The following ZNF423 variants were observed in gnomAD, a reference collection of about 807,000 sequenced individuals.
ZNF423 encodes the protein Ebf-associated zinc finger protein.
ZNF423 carries 12 observed loss-of-function variants against 95.8 expected under a neutral mutation model. The observed-to-expected ratio is 0.13, with a 90% CI of 0.08 to 0.20. The LOEUF (loss-of-function observed/expected upper bound fraction) is 0.20, where lower values mean the gene tolerates loss of function less well. Among genes scored for constraint, ZNF423 ranks in the 10% least tolerant of loss-of-function variants. The pLI is 1.00. For synonymous variants in ZNF423, 749 were observed against 711.9 expected (o/e 1.05, Z -0.83); for missense variants, 1,316 against 1,737.1 (o/e 0.76, Z 4.31).
intron 3 of ZNF423, among the ~76,000 whole-genome samples, chr16:49,652,076 G>A (rs764416987): frequency 1.3e-4 from 20 of 152,082 alleles, no homozygotes; most frequent in Non-Finnish European, 2.8e-4. Flanking sequence ...CTAAGGTACT[G>A]GGAGCCATCC....
At chr16:49,778,642 A>G (rs1008625602) in intron 2 of ZNF423, among the ~76,000 whole-genome samples, 11 of 152,172 alleles carry the variant, frequency 7.2e-5, no homozygotes, top group African/African-American at 2.7e-4. Flanking sequence ...ATCTGCAGGA[A>G]GGTGAAGCGG....
chr16:49,515,171 G>C (rs1206270940), intron 7 of ZNF423, among the ~76,000 whole-genome samples: 1 of 152,256 alleles, frequency 6.6e-6, no homozygotes, highest in African/African-American at 2.4e-5. Context: ...AGGGTTTGCA[G>C]GGTCCTGGCC....
At chr16:49,505,729 G>A (rs990999556) in intron 7 of ZNF423, among the ~76,000 whole-genome samples, 1 of 152,246 alleles carries the variant, frequency 6.6e-6, no homozygotes, top group Admixed American at 6.5e-5. Flanking sequence ...CTGGCACCCA[G>A]CAAAGGGTGA....
At chr16:49,737,877 C>T (rs2033325608) in intron 2 of ZNF423, among the ~76,000 whole-genome samples, 1 of 152,342 alleles carries the variant, frequency 6.6e-6, no homozygotes, top group African/African-American at 2.4e-5. Context: ...CTCTTCCTTG[C>T]TCTCGTGTCC....
intron 5 of ZNF423, among the ~76,000 whole-genome samples, chr16:49,580,797 G>C (rs1358452829): frequency 1.3e-5 from 2 of 152,096 alleles, no homozygotes; most frequent in Non-Finnish European, 2.9e-5. Context: ...ATAAAATCTT[G>C]CTTCCAACGA....
At chr16:49,798,706 C>T (rs1435412648) in intron 1 of ZNF423, among the ~76,000 whole-genome samples, 1 of 152,122 alleles carries the variant, frequency 6.6e-6, no homozygotes, top group African/African-American at 2.4e-5. Context: ...TCCACGTCGG[C>T]GCTTGTATAA....
intron 5 of ZNF423, among the ~76,000 whole-genome samples, chr16:49,616,292 T>C (rs1971872788): frequency 6.6e-6 from 1 of 152,002 alleles, no homozygotes; most frequent in African/African-American, 2.4e-5. Flanking sequence ...CTCATGGAGA[T>C]AGAGTGCAGA....
At chr16:49,800,712 C>T (rs919323951) in intron 1 of ZNF423, among the ~76,000 whole-genome samples, 2 of 152,200 alleles carry the variant, frequency 1.3e-5, no homozygotes, top group Non-Finnish European at 2.9e-5. Flanking sequence ...GCTCCCCTTC[C>T]ATCCTCCCAG....
rs372698341 is a variant in ZNF423 at position 49,665,555 on chromosome 16, G to A, written c.302-26681C>T. 4.0e-4 allele frequency among the ~76,000 whole-genome samples: 61 copies of A among 152,258 alleles called. No individual in the cohort carries two copies. In the East Asian group the frequency reaches 9.9e-3, roughly 25 times the overall value. On this transcript the variant is annotated intron_variant, in intron 3 of 7. Coordinates refer to ENST00000563137, the MANE Select transcript of ZNF423 (RefSeq NM_001379286.1). ...CAAGGGGCAGAAATGAGCTCCAAGC[G>A]GCAGGACCAGCAAGAGCAAAGGCCT...
At chr16:49,691,787 G>T (rs751570133) in intron 3 of ZNF423, among the ~76,000 whole-genome samples, 1 of 152,090 alleles carries the variant, frequency 6.6e-6, no homozygotes, top group Non-Finnish European at 1.5e-5. Flanking sequence ...GATGTTGAGG[G>T]TATAGAAGAT....
At chr16:49,821,366 T>C (rs2034938299) in intron 1 of ZNF423, among the ~76,000 whole-genome samples, 1 of 152,082 alleles carries the variant, frequency 6.6e-6, no homozygotes, top group African/African-American at 2.4e-5. Flanking sequence ...GCAATGCAAT[T>C]ATTTAAATCC....
rs550362654 is a variant in ZNF423 at position 49,632,632 on chromosome 16, G to A, written c.3516+3028C>T. 1.3e-4 allele frequency among the ~76,000 whole-genome samples: 20 copies of A among 152,262 alleles called. No homozygotes were observed. In the South Asian group the frequency reaches 3.7e-3, roughly 28 times the overall value. ...TTCAGTCCCTGCACAGCCGCGCACA[G>A]CTGTGCATCCTTGGGTATATGGCAT... On this transcript the variant is annotated intron_variant, in intron 4 of 7. Coordinates refer to ENST00000563137, the MANE Select transcript of ZNF423 (RefSeq NM_001379286.1).
chr16:49,779,575 C>T (rs930505604), intron 2 of ZNF423, among the ~76,000 whole-genome samples: 8 of 152,136 alleles, frequency 5.3e-5, no homozygotes, highest in Non-Finnish European at 1.2e-4. Context: ...GGCTGGGCAA[C>T]ACTGGAGGGA....
At chr16:49,794,893 TG>T (rs1407172993) in intron 1 of ZNF423, among the ~76,000 whole-genome samples, 9 of 152,210 alleles carry the variant, frequency 5.9e-5, no homozygotes, top group Non-Finnish European at 1.2e-4. Flanking sequence ...ATTTTATTTT[TG>T]GAAACAGAGT....
At position 49,523,605 on chromosome 16, in the gene ZNF423, A is replaced by G. The variant is rs2151705717; in HGVS notation, c.3849+19T>C. ...CGAGGACCATCAGGCGGCGTGGTGC[A>G]GCGGATGTGGGCACCCACCTGCAGC... is the stretch of plus-strand genomic sequence containing the variant. On this transcript the variant is annotated intron_variant, in intron 7 of 7. Coordinates refer to ENST00000563137, the MANE Select transcript of ZNF423 (RefSeq NM_001379286.1). 1.9e-6 allele frequency: 3 copies of G among 1,604,572 alleles called. No individual in the cohort carries two copies. Among genetic ancestry groups the G allele is most frequent in the Non-Finnish European group, 2.6e-6 (3 of 1,171,408 alleles).
chr16:49,766,564 G>A (rs1003197606), intron 2 of ZNF423, among the ~76,000 whole-genome samples: 17 of 152,230 alleles, frequency 1.1e-4, no homozygotes, highest in Admixed American at 8.5e-4. Flanking sequence ...CCAGTCCTTT[G>A]GCTTCTTATA....
At chr16:49,688,004 G>GAGGGACCC (rs1185798956) in intron 3 of ZNF423, among the ~76,000 whole-genome samples, 2 of 151,138 alleles carry the variant, frequency 1.3e-5, no homozygotes, top group Non-Finnish European at 2.9e-5. Context: ...GGGCCTCCAG[G>GAGGGACCC]AGGGACCCAG....
chr16:49,674,087 T>C (rs1351887613), intron 3 of ZNF423, among the ~76,000 whole-genome samples: 1 of 152,186 alleles, frequency 6.6e-6, no homozygotes, highest in African/African-American at 2.4e-5. Flanking sequence ...ACAAAAATTA[T>C]TCTGAGTGAA....
At chr16:49,748,555 C>T (rs962298387) in intron 2 of ZNF423, among the ~76,000 whole-genome samples, 5 of 152,192 alleles carry the variant, frequency 3.3e-5, no homozygotes, top group Admixed American at 6.5e-5. Flanking sequence ...CAACTCTCTC[C>T]GTAGGAGAAC....
Sources: gnomAD v4.1 joint callset for allele counts (sites outside exome capture counted in the v4.1 genomes callset) on GRCh38, gnomAD v4.1.1 for gene constraint, MANE v1.5 for transcripts, NCBI Gene and HGNC (gene_info 2026-07-23, HGNC 2026-07-21) for gene names.